HECW2: variants seen among roughly 807,000 people sequenced by gnomAD.
The protein encoded by HECW2 is HECT, C2 and WW domain containing E3 ubiquitin protein ligase 2, also known as E3 ubiquitin-protein ligase HECW2.
A neutral mutation model predicts 175.2 loss-of-function variants in HECW2; 61 were observed. The ratio of observed to expected loss-of-function variants is 0.35; its 90% confidence interval spans 0.28 to 0.43. The LOEUF (loss-of-function observed/expected upper bound fraction) is 0.43. HECW2 is among the 20% of genes least tolerant of loss of function. HECW2 has a pLI of 1.00. For missense variants in HECW2, 1,524 were observed against 2,000.5 expected (o/e 0.76, Z 4.54); for synonymous variants, 671 against 731.0 (o/e 0.92, Z 1.32).
intron 3 of HECW2, among the ~76,000 whole-genome samples, chr2:196,339,105 T>C (rs1294047121): frequency 6.6e-6 from 1 of 152,076 alleles, no homozygotes; most frequent in Admixed American, 6.6e-5. Context: ...AAATATAAAG[T>C]GTGAAGATGG....
chr2:196,388,128 T>TA (rs944088180), intron 2 of HECW2, among the ~76,000 whole-genome samples: 2 of 145,358 alleles, frequency 1.4e-5, no homozygotes, highest in African/African-American at 5.0e-5. Flanking sequence ...TCATCTCTAC[T>TA]AAAAAAAAAA....
intron 3 of HECW2, among the ~76,000 whole-genome samples, chr2:196,343,115 A>T (rs948449692): frequency 6.6e-6 from 1 of 151,942 alleles, no homozygotes; most frequent in Non-Finnish European, 1.5e-5. Context: ...TGCACATATT[A>T]TATAGTTGTC....
intron 1 of HECW2, among the ~76,000 whole-genome samples, chr2:196,531,004 C>T (rs1250542903): frequency 2.0e-5 from 3 of 152,212 alleles, no homozygotes; most frequent in Non-Finnish European, 4.4e-5. Flanking sequence ...TCAGTTCTCA[C>T]TTCCTCCGCA....
chr2:196,458,431 C>T (rs1696600855), intron 1 of HECW2, among the ~76,000 whole-genome samples: 1 of 103,332 alleles, frequency 9.7e-6, no homozygotes, highest in Admixed American at 1.3e-4. Context: ...CTCCCTCTCA[C>T]TCACTCACAC....
intron 1 of HECW2, among the ~76,000 whole-genome samples, chr2:196,551,932 T>G (rs558423414): frequency 6.6e-6 from 1 of 152,298 alleles, no homozygotes; most frequent in Non-Finnish European, 1.5e-5. Context: ...TCATTTTATT[T>G]TCCTAGCATT....
At chr2:196,573,320 T>C (rs1434352466) in intron 1 of HECW2, among the ~76,000 whole-genome samples, 23 of 152,046 alleles carry the variant, frequency 1.5e-4, no homozygotes, top group Admixed American at 1.5e-3. Flanking sequence ...TACAACATTA[T>C]GAGGATGATT....
At chr2:196,253,337 G>C (rs1159554763) in intron 19 of HECW2, among the ~76,000 whole-genome samples, 1 of 152,160 alleles carries the variant, frequency 6.6e-6, no homozygotes, top group Non-Finnish European at 1.5e-5. Flanking sequence ...AAGCTCATTT[G>C]CCAAGCTGCA....
In HECW2 at chr2:196,319,703, G is replaced by A. The variant is rs757878384; in HGVS notation, c.1187C>T (p.Thr396Ile). 3 of 1,614,216 alleles carry A rather than the reference G, an allele frequency of 1.9e-6. No homozygotes were observed. The highest frequency in any genetic ancestry group is 3.3e-5 in the Admixed American group (2 of 60,022). The stretch of plus-strand genomic sequence containing the variant: ...TGAAGACGTAGAGGTTAATTCCTCT[G>A]TGTCTATTTCCAGAGTGGAGCTAGT... Reference protein sequence around the residue: ...FRTSSTLEIDTEELTSTSSRT... With the variant: ...FRTSSTLEIDIEELTSTSSRT... Residue 396 changes from threonine (T) to isoleucine (I), a missense_variant, in exon 9 of 29, where the codon ACA becomes ATA. Transcript: ENST00000644978.
chr2:196,531,179 A>C (rs944099559), intron 1 of HECW2, among the ~76,000 whole-genome samples: 1 of 152,220 alleles, frequency 6.6e-6, no homozygotes, highest in African/African-American at 2.4e-5. Flanking sequence ...ATCAAGATAA[A>C]AAGAGCCCAA....
chr2:196,217,821 A>G (rs2105807896), intron 26 of HECW2: 1 of 152,380 alleles, frequency 6.6e-6, no homozygotes, highest in Admixed American at 6.5e-5. Context: ...AATTAAATTC[A>G]GAGAAAAGGC....
chr2:196,219,626 T>C (rs1416619385), intron 26 of HECW2, among the ~76,000 whole-genome samples: 1 of 152,202 alleles, frequency 6.6e-6, no homozygotes, highest in African/African-American at 2.4e-5. Context: ...ATAAGGAGCG[T>C]AGTGAACAGT....
intron 23 of HECW2, among the ~76,000 whole-genome samples, chr2:196,223,392 T>C (rs1575246883): frequency 6.6e-6 from 1 of 152,138 alleles, no homozygotes; most frequent in South Asian, 2.1e-4. Context: ...AGATGATGCC[T>C]ACATTAAATC....
intron 28 of HECW2, among the ~76,000 whole-genome samples, chr2:196,208,546 A>C (rs557539952): frequency 6.6e-6 from 1 of 152,240 alleles, no homozygotes; most frequent in Non-Finnish European, 1.5e-5. Context: ...GAATTGGGTC[A>C]AGCCTAGTGA....
At chr2:196,223,174 T>C (rs984150102) in intron 23 of HECW2, among the ~76,000 whole-genome samples, 6 of 152,220 alleles carry the variant, frequency 3.9e-5, no homozygotes, top group African/African-American at 1.2e-4. Context: ...AATGGGCTAG[T>C]TGGGGAGCCA....
intron 1 of HECW2, among the ~76,000 whole-genome samples, chr2:196,559,073 A>T (rs148275496): frequency 8.7e-4 from 132 of 152,296 alleles, no homozygotes; most frequent in African/African-American, 2.9e-3. Flanking sequence ...TCAGAGACTA[A>T]ATAACTGCTA....
At chr2:196,258,085 G>A (rs1370826597) in intron 17 of HECW2, 179 bp from the exon 18 acceptor site, 17 of 562,440 alleles carry the variant, frequency 3.0e-5, no homozygotes, top group Non-Finnish European at 5.0e-5. Flanking sequence ...CTTCAAGGGG[G>A]GGGATCTTGT....
chr2:196,204,213 G>T (rs537073980), intron 28 of HECW2, among the ~76,000 whole-genome samples: 2 of 152,030 alleles, frequency 1.3e-5, no homozygotes, highest in African/African-American at 2.4e-5. Flanking sequence ...TTTTTTGGGG[G>T]ATATACACAG....
At chr2:196,439,623 C>T (rs900913335) in intron 1 of HECW2, among the ~76,000 whole-genome samples, 2 of 152,100 alleles carry the variant, frequency 1.3e-5, no homozygotes, top group Admixed American at 6.6e-5. Flanking sequence ...AAGCCAGCGA[C>T]GGGACAGTGT....
chr2:196,408,494 T>A (rs1473840379), intron 2 of HECW2, among the ~76,000 whole-genome samples: 1 of 152,168 alleles, frequency 6.6e-6, no homozygotes, highest in Non-Finnish European at 1.5e-5. Context: ...CCCCTCAGTC[T>A]CTGAACTCAA....
Sources: gnomAD v4.1 joint callset for allele counts (sites outside exome capture counted in the v4.1 genomes callset) on GRCh38, gnomAD v4.1.1 for gene constraint, MANE v1.5 for transcripts, NCBI Gene and HGNC (gene_info 2026-07-23, HGNC 2026-07-21) for gene names.